Variants in MACROD2 observed in about 807,000 individuals in gnomAD.
The protein encoded by MACROD2 is mono-ADP ribosylhydrolase 2.
A neutral mutation model predicts 70.4 loss-of-function variants in MACROD2; 36 were observed. The ratio of observed to expected loss-of-function variants is 0.51; its 90% CI spans 0.39 to 0.68. MACROD2 has a LOEUF of 0.68. Among genes scored for constraint, MACROD2 ranks in the 30% least tolerant of loss-of-function variants. MACROD2 has a pLI of 0.00. For missense variants in MACROD2, 496 were observed against 538.4 expected, an observed-to-expected ratio of 0.92 and a Z score of 0.78; for synonymous variants, 172 against 178.8, an observed-to-expected ratio of 0.96 and a Z score of 0.30.
chr20:15,088,204 C>T (rs2075763109), intron 5 of MACROD2, among the ~76,000 whole-genome samples: 2 of 151,340 alleles, frequency 1.3e-5, no homozygotes, highest in African/African-American at 4.8e-5. Context: ...GATCAAAATG[C>T]AAGAGTGCCT....
At chr20:14,242,176 A>G (rs958899171) in intron 3 of MACROD2, among the ~76,000 whole-genome samples, 1 of 152,160 alleles carries the variant, frequency 6.6e-6, no homozygotes, top group African/African-American at 2.4e-5. Flanking sequence ...AAATTAGACA[A>G]TTTATCAGTT....
chr20:14,072,785 T>C (rs917044844), intron 2 of MACROD2, among the ~76,000 whole-genome samples: 1 of 151,902 alleles, frequency 6.6e-6, no homozygotes, highest in Non-Finnish European at 1.5e-5. Context: ...ATACAAAAAA[T>C]TAGCTGGGCG....
chr20:14,493,090 A>G (rs2084812461), intron 3 of MACROD2, among the ~76,000 whole-genome samples: 1 of 152,152 alleles, frequency 6.6e-6, no homozygotes, highest in Non-Finnish European at 1.5e-5. Flanking sequence ...TTACTATAAT[A>G]CTTTTTTGTT....
chr20:14,115,841 T>G (rs1428707560), intron 3 of MACROD2, among the ~76,000 whole-genome samples: 1 of 152,202 alleles, frequency 6.6e-6, no homozygotes, highest in Non-Finnish European at 1.5e-5. Flanking sequence ...ATTATAGTGA[T>G]TCTGATTTTT....
intron 5 of MACROD2, among the ~76,000 whole-genome samples, chr20:14,918,058 G>A (rs1488376114): frequency 6.6e-6 from 1 of 151,912 alleles, no homozygotes; most frequent in Non-Finnish European, 1.5e-5. Context: ...CTTTAGCCTC[G>A]ACCACCCCAG....
chr20:14,870,892 T>C (rs1043402292), intron 5 of MACROD2, among the ~76,000 whole-genome samples: 8 of 152,182 alleles, frequency 5.3e-5, no homozygotes, highest in Non-Finnish European at 5.9e-5. Context: ...TCCCATACTG[T>C]AGGTTGTCTG....
At chr20:15,384,671 C>T (rs1230350368) in intron 6 of MACROD2, among the ~76,000 whole-genome samples, 3 of 152,110 alleles carry the variant, frequency 2.0e-5, no homozygotes, top group Non-Finnish European at 2.9e-5. Context: ...AGGGCACATA[C>T]TTATGAAAAT....
intron 3 of MACROD2, among the ~76,000 whole-genome samples, chr20:14,281,951 A>AG (rs58519960): frequency 6.7e-6 from 1 of 150,284 alleles, no homozygotes; most frequent in Non-Finnish European, 1.5e-5. Context: ...AAAAAAAAAA[A>AG]GAAAAGAAAA....
chr20:14,694,998 G>C (rs2071106000), intron 5 of MACROD2, among the ~76,000 whole-genome samples: 1 of 152,074 alleles, frequency 6.6e-6, no homozygotes, highest in Non-Finnish European at 1.5e-5. Flanking sequence ...TCAGAATAAT[G>C]GGAACATCTG....
intron 6 of MACROD2, among the ~76,000 whole-genome samples, chr20:15,328,692 A>G (rs16995534): frequency 0.011 from 1,692 of 152,258 alleles, 37 homozygotes; most frequent in African/African-American, 0.038. Context: ...TCTTACATTA[A>G]CACACCACAT....
intron 5 of MACROD2, among the ~76,000 whole-genome samples, chr20:15,043,772 T>C (rs2075372492): frequency 6.6e-6 from 1 of 152,100 alleles, no homozygotes; most frequent in Non-Finnish European, 1.5e-5. Context: ...AACCAGCTGA[T>C]CAGAGGTTCC....
At chr20:15,555,828 C>CAAAAA (rs397838341) in intron 8 of MACROD2, among the ~76,000 whole-genome samples, 44 of 18,396 alleles carry the variant, frequency 2.4e-3, no homozygotes, top group East Asian at 4.7e-3. Flanking sequence ...GACTCCATCT[C>CAAAAA]AAAAAAAAAA....
Position 15,818,534 on chromosome 20 carries a change from G to C in MACROD2, c.646-44211G>C, listed in dbSNP as rs543900735. ...AGGGGTCACTTTCACTGCCACCTTG[G>C]TTTTGGCTGGTTTGGGCCAGTTTCT... On this transcript the variant is annotated intron_variant, in intron 8 of 17. Coordinates refer to ENST00000684519, the MANE Select transcript of MACROD2 (RefSeq NM_001351661.2). Among the ~76,000 whole-genome samples, 7 of 152,144 alleles carry C rather than the reference G, an allele frequency of 4.6e-5. No individual in the cohort carries two copies. The South Asian group carries it at 6.2e-4, about 14-fold the overall frequency.
At chr20:14,681,789 G>A (rs1356623377) in intron 4 of MACROD2, among the ~76,000 whole-genome samples, 3 of 152,106 alleles carry the variant, frequency 2.0e-5, no homozygotes, top group Non-Finnish European at 4.4e-5. Context: ...TAATGTAATA[G>A]AGTGCTTCGA....
intron 5 of MACROD2, among the ~76,000 whole-genome samples, chr20:15,044,385 A>G (rs980356197): frequency 6.6e-6 from 1 of 152,198 alleles, no homozygotes; most frequent in South Asian, 2.1e-4. Flanking sequence ...TTGAAATTCA[A>G]AATGGCACAA....
At chr20:14,569,010 GGA>G (rs1433048634) in intron 4 of MACROD2, among the ~76,000 whole-genome samples, 1 of 151,920 alleles carries the variant, frequency 6.6e-6, no homozygotes, top group African/African-American at 2.4e-5. Flanking sequence ...GAAGTGCCAA[GGA>G]GAGATATTCT....
At chr20:14,027,025 T>C (rs2053177947) in intron 2 of MACROD2, among the ~76,000 whole-genome samples, 1 of 152,110 alleles carries the variant, frequency 6.6e-6, no homozygotes, top group South Asian at 2.1e-4. Flanking sequence ...CCAGCAGGGG[T>C]CGACAGACAC....
intron 6 of MACROD2, among the ~76,000 whole-genome samples, chr20:15,251,880 A>C (rs1183542611): frequency 1.3e-5 from 2 of 152,212 alleles, no homozygotes; most frequent in Non-Finnish European, 2.9e-5. Flanking sequence ...CTACTGTTTG[A>C]AGTTGATAAG....
intron 8 of MACROD2, among the ~76,000 whole-genome samples, chr20:15,817,498 A>G (rs995543652): frequency 2.0e-5 from 3 of 152,220 alleles, no homozygotes; most frequent in African/African-American, 7.2e-5. Context: ...TGCAAGCTTG[A>G]ATGGTATCTA....
Sources: allele counts gnomAD v4.1 joint callset (sites outside exome capture counted in the v4.1 genomes callset), GRCh38; gene constraint gnomAD v4.1.1; transcripts MANE v1.5; gene names NCBI Gene and HGNC (gene_info 2026-07-23, HGNC 2026-07-21).